C3orf20: variants seen among roughly 807,000 people sequenced by gnomAD.
C3orf20 encodes uncharacterized protein C3orf20.
A neutral mutation model predicts 88.3 loss-of-function variants in C3orf20; 76 were observed. The ratio of observed to expected loss-of-function variants is 0.86; its 90% CI spans 0.72 to 1.04. The LOEUF is 1.04. Among genes scored for constraint, C3orf20 ranks in the 50% least tolerant of loss-of-function variants. The pLI is 0.00. For missense variants in C3orf20, 1,056 were observed against 1,123.3 expected (o/e 0.94, Z 0.86); for synonymous variants, 436 against 437.4 (o/e 1.00, Z 0.04).
intron 5 of C3orf20, among the ~76,000 whole-genome samples, chr3:14,698,905 G>A (rs930954061): frequency 3.9e-5 from 6 of 152,172 alleles, no homozygotes; most frequent in Non-Finnish European, 1.5e-5. Flanking sequence ...ATGTTGTCTG[G>A]GAGCCAGGAC....
chr3:14,682,210 G>T lies in C3orf20; in HGVS notation c.-258G>T. ...AATTCCATGCCCATCTTGGCATTGC[G>T]ACCAGGAGCTTCTGCATCCCTTGCT... On this transcript the variant is annotated 5_prime_UTR_variant, in exon 2 of 17. Coordinates refer to ENST00000253697, the MANE Select transcript of C3orf20 (RefSeq NM_032137.5). 1 of 156,736 alleles carries T rather than the reference G, an allele frequency of 6.4e-6. No individual in the cohort carries two copies. The highest frequency in any genetic ancestry group is 1.4e-5 in the Non-Finnish European group (1 of 70,624). 9.7% of individuals were successfully genotyped at this position (156,736 alleles called of 1,614,324 possible).
intron 12 of C3orf20, among the ~76,000 whole-genome samples, chr3:14,745,596 A>T (rs748029582): frequency 2.0e-5 from 3 of 152,190 alleles, no homozygotes; most frequent in Non-Finnish European, 2.9e-5. Flanking sequence ...TACATTTGTG[A>T]TATCACATTT....
chr3:14,708,639 T>C (rs1369193066), intron 7 of C3orf20, among the ~76,000 whole-genome samples: 1 of 152,020 alleles, frequency 6.6e-6, no homozygotes, highest in South Asian at 2.1e-4. Flanking sequence ...CAGTTTGTTG[T>C]TGTTGTTGTT....
At chr3:14,764,292 C>T (rs745416641) in intron 15 of C3orf20, among the ~76,000 whole-genome samples, 13 of 152,036 alleles carry the variant, frequency 8.6e-5, no homozygotes, top group Non-Finnish European at 1.5e-4. Context: ...GAGGCAGATT[C>T]GTGAAACTAT....
chr3:14,677,421 G>T (rs2031830073), intron 1 of C3orf20, among the ~76,000 whole-genome samples: 1 of 152,090 alleles, frequency 6.6e-6, no homozygotes, highest in Non-Finnish European at 1.5e-5. Flanking sequence ...GCACCATCAT[G>T]TACCCCTGGC....
rs750896820 is a variant in C3orf20, at chr3:14,714,115, CA to C, written c.1271del (p.Asn424IlefsTer12). 1 of 1,614,032 alleles carries C rather than the reference CA, an allele frequency of 6.2e-7. No homozygotes were observed. Among genetic ancestry groups the C allele is most frequent in the Non-Finnish European group, 8.5e-7 (1 of 1,180,006 alleles). On this transcript the variant is annotated frameshift_variant, in exon 8 of 17. Transcript: ENST00000253697. LOFTEE classifies it high-confidence loss of function. ...CTGGATTCTCCTTGCTGGCCCTATT[CA>C]ATACTGAAGGCCAGGGCTGTGTTCA... ...IPGFSLLALF[N>X]TEGQGCVHYN...
chr3:14,730,037 T>G (rs1294600728), intron 12 of C3orf20, among the ~76,000 whole-genome samples: 1 of 152,180 alleles, frequency 6.6e-6, no homozygotes, highest in East Asian at 1.9e-4. Context: ...AGAAGCCCCC[T>G]TTAGTCCCAT....
intron 12 of C3orf20, among the ~76,000 whole-genome samples, chr3:14,744,646 TCCC>T (rs2035009862): frequency 6.6e-6 from 1 of 151,896 alleles, no homozygotes; most frequent in Non-Finnish European, 1.5e-5. Flanking sequence ...GACTTACAGT[TCCC>T]CATGGCTGGG....
intron 4 of C3orf20, among the ~76,000 whole-genome samples, chr3:14,688,685 C>T (rs17040181): frequency 0.015 from 2,298 of 152,044 alleles, 49 homozygotes; most frequent in African/African-American, 0.052. Flanking sequence ...TTTTAGTTGA[C>T]GACAATATCA....
intron 7 of C3orf20, among the ~76,000 whole-genome samples, chr3:14,711,550 TC>T (rs1479068286): frequency 6.6e-6 from 1 of 152,070 alleles, no homozygotes; most frequent in African/African-American, 2.4e-5. Flanking sequence ...CCAAGTTGTG[TC>T]TTTGGATCTA....
chr3:14,733,813 C>T (rs563803320), intron 12 of C3orf20, among the ~76,000 whole-genome samples: 7 of 152,074 alleles, frequency 4.6e-5, no homozygotes, highest in African/African-American at 1.4e-4. Flanking sequence ...CTCAGTCTCC[C>T]GAGTAGCTGC....
intron 12 of C3orf20, among the ~76,000 whole-genome samples, chr3:14,736,835 G>C (rs375679044): frequency 6.6e-6 from 1 of 152,008 alleles, no homozygotes; most frequent in Non-Finnish European, 1.5e-5. Context: ...CCAAAGTGCT[G>C]AGATTACAGG....
intron 12 of C3orf20, among the ~76,000 whole-genome samples, chr3:14,730,532 G>A (rs1489413740): frequency 6.6e-6 from 1 of 151,976 alleles, no homozygotes; most frequent in African/African-American, 2.4e-5. Context: ...GGGTGACAGA[G>A]CGAGACTGTG....
At chr3:14,750,588 G>T (rs1009812536) in intron 12 of C3orf20, among the ~76,000 whole-genome samples, 1 of 150,570 alleles carries the variant, frequency 6.6e-6, no homozygotes, top group Non-Finnish European at 1.5e-5. Flanking sequence ...GGCTGACAAG[G>T]TTTTTTTTTC....
chr3:14,693,370 C>T (rs2032826327), intron 5 of C3orf20, among the ~76,000 whole-genome samples: 1 of 152,138 alleles, frequency 6.6e-6, no homozygotes, highest in South Asian at 2.1e-4. Flanking sequence ...AATAGCTTTC[C>T]ATTTTCTGAT....
rs769834608 is a variant in C3orf20, at chr3:14,757,572, G to T, written c.2142G>T (p.Gly714=). ...ACCCCAGCCAAGTGCTGGTGTTTGG[G>T]ATCATCTCAAGCCAGAACTACACCA... ...PRDPSQVLVF[G]IISSQNYTST... is the part of the protein sequence containing the mutation. Residue 714 remains glycine (G), a synonymous_variant, in exon 13 of 17, where the codon GGG becomes GGT. Coordinates refer to ENST00000253697, the MANE Select transcript of C3orf20 (RefSeq NM_032137.5). 6.2e-7 allele frequency: 1 copy of T among 1,614,068 alleles called. No homozygotes were observed. The highest frequency in any genetic ancestry group is 8.5e-7 in the Non-Finnish European group (1 of 1,180,012).
chr3:14,772,016 G>A lies in C3orf20; in HGVS notation c.2496-51G>A. 1.2e-6 allele frequency: 2 copies of A among 1,610,280 alleles called. No individual in the cohort carries two copies. Among genetic ancestry groups the A allele is most frequent in the South Asian group, 2.2e-5 (2 of 90,714 alleles). On this transcript the variant is annotated intron_variant, in intron 15 of 16. Coordinates refer to ENST00000253697, the MANE Select transcript of C3orf20 (RefSeq NM_032137.5). This position sits in a 1 kb window ranked among gnomAD's most constrained non-coding sequence, Gnocchi z 4.2. ...TCCCAGAACACTGATGGGACAGCGT[G>A]CAGTGCACCCTGGGCCCTGAGCACT...
rs114960115 is a variant in C3orf20, at chr3:14,683,151, G to A, written c.438G>A (p.Thr146=). The A allele has an allele frequency of 1.1e-4, 172 of 1,612,146 alleles. 1 individual carries two copies. The African/African-American group carries it at 2.1e-3, about 19-fold the overall frequency. Residue 146 remains threonine, a synonymous_variant, in exon 3 of 17, where the codon ACG becomes ACA. Transcript: ENST00000253697. ...AGCAGCAGTCCATCCACCTGCTGAC[G>A]GAGCTCCTCAGACTGAAGATGAAGG... ...RFQQQSIHLL[T]ELLRLKMKAM... is the part of the protein sequence containing the mutation.
intron 1 of C3orf20, among the ~76,000 whole-genome samples, chr3:14,676,115 CCT>C (rs2031754822): frequency 7.8e-6 from 1 of 127,792 alleles, no homozygotes; most frequent in South Asian, 2.4e-4. Flanking sequence ...CTCCCCCCCG[CCT>C]TTTTTTTTTT....
Sources: allele counts gnomAD v4.1 joint callset (sites outside exome capture counted in the v4.1 genomes callset), GRCh38; gene constraint gnomAD v4.1.1; non-coding constraint Gnocchi (gnomAD v3.1); transcripts MANE v1.5; gene names NCBI Gene and HGNC (gene_info 2026-07-23, HGNC 2026-07-21).